Variants in COL13A1 observed in about 807,000 individuals in gnomAD.
The protein encoded by COL13A1 is collagen type XIII alpha 1 chain, also known as collagen alpha-1(XIII) chain.
COL13A1 carries 89 observed loss-of-function variants against 130.9 expected under a neutral mutation model. That is an observed-to-expected ratio of 0.68 (90% CI 0.57 to 0.81). The LOEUF is 0.81. COL13A1 is among the 30% of genes least tolerant of loss of function. The pLI, the probability that COL13A1 is intolerant of heterozygous loss-of-function variation, is 0.00. For missense variants in COL13A1, 879 were observed against 934.6 expected, an observed-to-expected ratio of 0.94 and a Z score of 0.78; for synonymous variants, 402 against 341.6, an observed-to-expected ratio of 1.18 and a Z score of -1.95.
At chr10:69,905,082 AAG>A in intron 16 of COL13A1, 123 bp downstream of exon 16, 1 of 1,133,090 alleles carries the variant, frequency 8.8e-7, no homozygotes, top group Non-Finnish European at 1.3e-6. Context: ...GAGACAGATC[AAG>A]CTTGACCCAC....
At chr10:69,824,121 A>G (rs755236471) in intron 2 of COL13A1, 1 of 472,194 alleles carries the variant, frequency 2.1e-6, no homozygotes, top group South Asian at 1.5e-5. Flanking sequence ...GAGTTATTTA[A>G]CCTCCTTGTG....
intron 1 of COL13A1, among the ~76,000 whole-genome samples, chr10:69,819,999 A>G (rs73265637): frequency 0.018 from 2,813 of 152,120 alleles, 89 homozygotes; most frequent in African/African-American, 0.064. Context: ...ACATCAAAGG[A>G]TTCATTTTCT....
chr10:69,890,244 G>A lies in COL13A1; in HGVS notation c.603+804G>A, dbSNP rs147531645. On this transcript the variant is annotated intron_variant, in intron 10 of 40. Transcript: ENST00000645393. ...GGAATGAGGGGCTGCGCACTCTCAC[G>A]GTGGGCCAGATCTCAGCAGGGACTG... Among the ~76,000 whole-genome samples the A allele has an allele frequency of 2.8e-3, 427 of 152,330 alleles. 1 individual carries two copies. Among genetic ancestry groups the A allele is most frequent in the Middle Eastern group, 6.8e-3 (2 of 294 alleles).
chr10:69,947,482 G>A (rs1719461646), intron 38 of COL13A1, 140 bp downstream of exon 38: 1 of 798,210 alleles, frequency 1.3e-6, no homozygotes, highest in Non-Finnish European at 2.0e-6. Context: ...TTTACAAGGA[G>A]GGCCTTAACC....
chr10:69,933,738 T>C (rs2066464749), intron 31 of COL13A1, among the ~76,000 whole-genome samples: 1 of 152,174 alleles, frequency 6.6e-6, no homozygotes, highest in Non-Finnish European at 1.5e-5. Flanking sequence ...CCAAGAAGTA[T>C]TTAAAATAAA....
At chr10:69,954,781 A>G (rs4746937) in intron 39 of COL13A1, 97,319 of 152,106 alleles carry the variant, frequency 0.64, 31,263 homozygotes, top group Middle Eastern at 0.81. Flanking sequence ...TTTCATGATC[A>G]GATGGCTTCT....
chr10:69,872,340 C>T (rs2059158883), intron 4 of COL13A1, 130 bp downstream of exon 4: 1 of 1,035,748 alleles, frequency 9.7e-7, no homozygotes, highest in Admixed American at 2.0e-5. Context: ...TCCAGAGTCC[C>T]TGATCTATAG....
At chr10:69,882,207 G>C (rs969338546) in intron 7 of COL13A1, among the ~76,000 whole-genome samples, 8 of 152,218 alleles carry the variant, frequency 5.3e-5, no homozygotes, top group Non-Finnish European at 2.9e-5. Flanking sequence ...ACAGCATACA[G>C]GCCCTACCCT....
At position 69,822,206 on chromosome 10, in the gene COL13A1, A is replaced by C. The variant is rs544146405; in HGVS notation, c.295-163A>C. The stretch of plus-strand genomic sequence containing the variant: ...TTCTTGTCTGCTTGTTATTACCCAG[A>C]TGCCCGGTGGCCAGTGGAAGGCCAT... On this transcript the variant is annotated intron_variant, in intron 1 of 40. Transcript: ENST00000645393. 3.9e-5 allele frequency among the ~76,000 whole-genome samples: 6 copies of C among 152,248 alleles called. No homozygotes were observed. In the South Asian group the frequency reaches 1.0e-3, roughly 26 times the overall value.
In COL13A1 at chr10:69,958,723, C is replaced by T; in HGVS notation, c.*22C>T. 1 of 1,613,552 alleles carries T rather than the reference C, an allele frequency of 6.2e-7. No homozygotes were observed. Among genetic ancestry groups the T allele is most frequent in the Non-Finnish European group, 8.5e-7 (1 of 1,179,776 alleles). On this transcript the variant is annotated 3_prime_UTR_variant, in exon 41 of 41. Coordinates refer to ENST00000645393, the MANE Select transcript of COL13A1 (RefSeq NM_001368882.1). The stretch of plus-strand genomic sequence containing the variant: ...GTGATGCCTCTAACCTTGGATTGGC[C>T]TGTGTGTGTGTTTGTACATAGAATA...
rs953117848 is a variant in COL13A1 at position 69,872,609 on chromosome 10, T to C, written c.399+399T>C. ...AAACCACTGTTCCTCCTATGCCTGC[T>C]GATAAGAGAGCGGACTCAAAAACTT... is the stretch of plus-strand genomic sequence containing the variant. On this transcript the variant is annotated intron_variant, in intron 4 of 40. Transcript: ENST00000645393. Among the ~76,000 whole-genome samples the C allele has an allele frequency of 1.3e-4, 20 of 152,374 alleles. No individual in the cohort carries two copies. In the East Asian group the frequency reaches 3.9e-3, roughly 29 times the overall value.
intron 10 of COL13A1, among the ~76,000 whole-genome samples, chr10:69,893,073 G>A (rs1291782137): frequency 7.9e-5 from 12 of 152,208 alleles, no homozygotes; most frequent in Admixed American, 6.5e-4. Context: ...CTGCCAGGCC[G>A]AGCGCGGTGG....
intron 36 of COL13A1, among the ~76,000 whole-genome samples, chr10:69,944,950 G>T (rs544905061): frequency 1.0e-4 from 16 of 152,384 alleles, no homozygotes; most frequent in African/African-American, 3.6e-4. Flanking sequence ...GGCTCCCACG[G>T]TCGCTGTCGA....
At chr10:69,815,279 G>T (rs1283576841) in intron 1 of COL13A1, among the ~76,000 whole-genome samples, 1 of 152,220 alleles carries the variant, frequency 6.6e-6, no homozygotes, top group Admixed American at 6.5e-5. Context: ...GGGAGGGAGT[G>T]TTCCCTAAAC....
At chr10:69,830,258 AAAG>A (rs1277893282) in intron 2 of COL13A1, among the ~76,000 whole-genome samples, 1 of 152,266 alleles carries the variant, frequency 6.6e-6, no homozygotes, top group African/African-American at 2.4e-5. Context: ...TCTGTGCGTA[AAAG>A]AAGAAGAGAT....
At chr10:69,949,655 G>A (rs2069090286) in intron 38 of COL13A1, among the ~76,000 whole-genome samples, 1 of 152,192 alleles carries the variant, frequency 6.6e-6, no homozygotes, top group African/African-American at 2.4e-5. Context: ...GGACACACAC[G>A]CCAGTGGAAA....
chr10:69,936,703 T>A, intron 32 of COL13A1, 53 bp from the exon 33 acceptor site: 1 of 1,609,200 alleles, frequency 6.2e-7, no homozygotes. Context: ...GACTAGGCAG[T>A]TGTGTTAACT....
intron 1 of COL13A1, among the ~76,000 whole-genome samples, chr10:69,809,496 G>T (rs1202477771): frequency 6.6e-6 from 1 of 152,216 alleles, no homozygotes. Flanking sequence ...TTACAGAAGA[G>T]AGAATAGAGG....
chr10:69,897,395 A>C, intron 13 of COL13A1: 1 of 1,426,914 alleles, frequency 7.0e-7, no homozygotes, highest in Non-Finnish European at 9.7e-7. Flanking sequence ...GGTGGGGAGC[A>C]GGGGAGCTGG....
Sources: allele counts gnomAD v4.1 joint callset (sites outside exome capture counted in the v4.1 genomes callset), GRCh38; gene constraint gnomAD v4.1.1; transcripts MANE v1.5; gene names NCBI Gene and HGNC (gene_info 2026-07-23, HGNC 2026-07-21).